The following CACNA2D1 variants were observed in gnomAD, a reference collection of about 807,000 sequenced individuals.
CACNA2D1 encodes the protein voltage-dependent calcium channel subunit alpha-2/delta-1.
A neutral mutation model predicts 171.5 loss-of-function variants in CACNA2D1; 53 were observed. The observed-to-expected ratio is 0.31, with a 90% confidence interval of 0.25 to 0.39. The LOEUF is 0.39. Ranked by LOEUF, CACNA2D1 falls within the 10% of genes least tolerant of loss-of-function variation. The probability of loss-of-function intolerance (pLI) is 1.00; values close to 1 mark genes in which losing one functional copy is unlikely to be tolerated. For missense variants in CACNA2D1, 903 were observed against 1,299.8 expected, an observed-to-expected ratio of 0.69 and a Z score of 4.69; for synonymous variants, 442 against 443.1, an observed-to-expected ratio of 1.00 and a Z score of 0.03.
chr7:81,950,133 TC>T lies in CACNA2D1; in HGVS notation c.*258del. 1 of 503,994 alleles carries T rather than the reference TC, an allele frequency of 2.0e-6. No individual in the cohort carries two copies. Among genetic ancestry groups the T allele is most frequent in the Non-Finnish European group, 3.5e-6 (1 of 287,542 alleles). 31.2% of individuals were successfully genotyped at this position (503,994 alleles called of 1,614,324 possible). The stretch of plus-strand genomic sequence containing the variant: ...AATGCAACAACAAACTCCCAAATTT[TC>T]CAATAGAGGACACGTATAGGATTTT... On this transcript the variant is annotated 3_prime_UTR_variant, in exon 39 of 39. Transcript: ENST00000356860.
In CACNA2D1 at chr7:82,443,775, G is replaced by T. The variant is rs1830691919; in HGVS notation, c.-316C>A. On this transcript the variant is annotated 5_prime_UTR_variant, in exon 1 of 39. Transcript: ENST00000356860. ...AGCCCGCCGGCGCTCGCGCGCTCTC[G>T]CTCTCCCTCTCGGTTTCCTCCCTGA... 9.5e-7 allele frequency: 1 copy of T among 1,054,172 alleles called. No homozygotes were observed. Among genetic ancestry groups the T allele is most frequent in the African/African-American group, 1.6e-5 (1 of 60,702 alleles). 65.3% of individuals were successfully genotyped at this position (1,054,172 alleles called of 1,614,324 possible).
At chr7:81,989,573 T>G (rs182558438) in intron 21 of CACNA2D1, among the ~76,000 whole-genome samples, 1 of 151,988 alleles carries the variant, frequency 6.6e-6, no homozygotes, top group Non-Finnish European at 1.5e-5. Context: ...TCTACGAGAG[T>G]CCTAAAATTA....
At chr7:82,195,672 AAC>A (rs1184932522) in intron 3 of CACNA2D1, among the ~76,000 whole-genome samples, 2 of 149,178 alleles carry the variant, frequency 1.3e-5, no homozygotes, top group African/African-American at 5.0e-5. Flanking sequence ...AAAAAAAAAA[AAC>A]CCTCTGGCCT....
intron 3 of CACNA2D1, among the ~76,000 whole-genome samples, chr7:82,217,665 A>C (rs1180736952): frequency 1.4e-5 from 2 of 139,094 alleles, no homozygotes; most frequent in Admixed American, 7.1e-5. Flanking sequence ...CACACACACA[A>C]TCTTTATCAT....
chr7:82,080,128 T>C (rs939418054), intron 7 of CACNA2D1, among the ~76,000 whole-genome samples: 1 of 123,676 alleles, frequency 8.1e-6, no homozygotes, highest in East Asian at 2.1e-4. Context: ...TGTACACCTA[T>C]ATATATATAC....
intron 21 of CACNA2D1, 73 bp from the exon 22 acceptor site, chr7:81,984,784 A>G (rs761430466): frequency 9.2e-5 from 75 of 811,012 alleles, no homozygotes; most frequent in Non-Finnish European, 1.4e-4. Context: ...AAGACACATC[A>G]AGTTCATGGG....
At chr7:82,184,169 C>CTTTTTTTTTTT (rs72155870) in intron 3 of CACNA2D1, among the ~76,000 whole-genome samples, 5 of 127,420 alleles carry the variant, frequency 3.9e-5, no homozygotes, top group African/African-American at 5.8e-5. Flanking sequence ...TCGGTTTCCT[C>CTTTTTTTTTTT]TTTTTTTTTT....
chr7:82,162,519 T>C lies in CACNA2D1; in HGVS notation c.354+8031A>G, dbSNP rs150444086. On this transcript the variant is annotated intron_variant, in intron 4 of 38. Coordinates refer to ENST00000356860, the MANE Select transcript of CACNA2D1 (RefSeq NM_000722.4). Reference sequence around the variant, plus strand: ...GGGGAGAGCTGGTCATTCCTTTCAATTCCTATAGCATTTCTTTAATATGTA... The same window carrying C: ...GGGGAGAGCTGGTCATTCCTTTCAACTCCTATAGCATTTCTTTAATATGTA... Among the ~76,000 whole-genome samples the C allele has an allele frequency of 4.7e-3, 715 of 152,100 alleles. 5 individuals carry two copies. The highest frequency in any genetic ancestry group is 0.017 in the African/African-American group (689 of 41,522).
chr7:82,420,887 C>T (rs1390946546), intron 1 of CACNA2D1, among the ~76,000 whole-genome samples: 1 of 151,792 alleles, frequency 6.6e-6, no homozygotes, highest in Non-Finnish European at 1.5e-5. Flanking sequence ...TTATTTAGTC[C>T]TTTATGGATA....
intron 38 of CACNA2D1, among the ~76,000 whole-genome samples, chr7:81,954,967 C>T (rs895110660): frequency 1.3e-5 from 2 of 152,018 alleles, no homozygotes; most frequent in East Asian, 1.9e-4. Context: ...TATATTTATT[C>T]AACTCTTTAA....
At chr7:82,420,659 C>T (rs1828631052) in intron 1 of CACNA2D1, among the ~76,000 whole-genome samples, 1 of 152,168 alleles carries the variant, frequency 6.6e-6, no homozygotes, top group Non-Finnish European at 1.5e-5. Context: ...CTCTATGATA[C>T]ACTTTAAAAG....
chr7:82,332,991 G>T (rs944374909), intron 3 of CACNA2D1, among the ~76,000 whole-genome samples: 2 of 152,066 alleles, frequency 1.3e-5, no homozygotes, highest in Admixed American at 1.3e-4. Context: ...GAAGTGAGAC[G>T]CTGTCTCAAA....
intron 24 of CACNA2D1, among the ~76,000 whole-genome samples, chr7:81,977,801 G>T (rs1796007199): frequency 6.6e-6 from 1 of 151,952 alleles, no homozygotes; most frequent in Non-Finnish European, 1.5e-5. Context: ...GAGTGAACAG[G>T]CAACCTACAG....
rs73374353 is a variant in CACNA2D1, at chr7:82,265,951, C to T, written c.294+69184G>A. Among the ~76,000 whole-genome samples, 1,108 of 152,184 alleles carry T rather than the reference C, an allele frequency of 7.3e-3. 19 individuals carry two copies. The highest frequency in any genetic ancestry group is 0.026 in the African/African-American group (1,060 of 41,532). ...TTTTGGCAACTTATTGCTCCAACTC[C>T]GTCTGTATGATGATAAAACAGTTAG... On this transcript the variant is annotated intron_variant, in intron 3 of 38. Transcript: ENST00000356860.
At chr7:82,336,084 T>A (rs964897601) in intron 2 of CACNA2D1, among the ~76,000 whole-genome samples, 4 of 152,182 alleles carry the variant, frequency 2.6e-5, no homozygotes, top group African/African-American at 7.2e-5. Context: ...AAATCCCTCA[T>A]GCATCCAACA....
At chr7:82,348,219 T>C (rs1158972312) in intron 2 of CACNA2D1, among the ~76,000 whole-genome samples, 1 of 149,966 alleles carries the variant, frequency 6.7e-6, no homozygotes, top group Non-Finnish European at 1.5e-5. Flanking sequence ...CAAAGAAGAT[T>C]TGGTGGTACT....
At chr7:82,438,710 T>C (rs368332129) in intron 1 of CACNA2D1, among the ~76,000 whole-genome samples, 1 of 152,190 alleles carries the variant, frequency 6.6e-6, no homozygotes, top group South Asian at 2.1e-4. Context: ...AAAGACTGGT[T>C]GACACAGTTA....
intron 3 of CACNA2D1, among the ~76,000 whole-genome samples, chr7:82,331,855 C>G (rs1037789271): frequency 6.6e-6 from 1 of 152,062 alleles, no homozygotes; most frequent in African/African-American, 2.4e-5. Flanking sequence ...CAATATAAAT[C>G]GAATCATTTT....
chr7:82,431,635 T>C (rs180945437), intron 1 of CACNA2D1, among the ~76,000 whole-genome samples: 261 of 152,240 alleles, frequency 1.7e-3, no homozygotes, highest in Non-Finnish European at 3.1e-3. Context: ...AAATCTGAAC[T>C]CCTAAGGAAA....
Sources: allele counts gnomAD v4.1 joint callset (sites outside exome capture counted in the v4.1 genomes callset), GRCh38; gene constraint gnomAD v4.1.1; transcripts MANE v1.5; gene names NCBI Gene and HGNC (gene_info 2026-07-23, HGNC 2026-07-21).